The following FAT3 variants were observed in gnomAD, a reference collection of about 807,000 sequenced individuals.
FAT3 encodes the protein protocadherin Fat 3.
Under a neutral mutation model 310.2 loss-of-function variants are expected in FAT3, and 95 were observed. The ratio of observed to expected loss-of-function variants is 0.31; its 90% confidence interval spans 0.26 to 0.36. FAT3 has a LOEUF of 0.36. Among genes scored for constraint, FAT3 ranks in the 10% least tolerant of loss-of-function variants. FAT3 has a pLI of 1.00. For missense variants in FAT3, 5,408 were observed against 5,715.6 expected (o/e 0.95, Z 1.74); for synonymous variants, 2,314 against 2,192.9 (o/e 1.06, Z -1.54).
chr11:92,352,043 C>T (rs551817450), intron 1 of FAT3, 53 bp from the exon 2 acceptor site: 2 of 1,129,286 alleles, frequency 1.8e-6, no homozygotes, highest in Non-Finnish European at 2.3e-6. Context: ...CCACTCTCCC[C>T]CTTCTTCTAG....
At chr11:92,580,679 C>T (rs190458331) in intron 3 of FAT3, among the ~76,000 whole-genome samples, 5 of 152,164 alleles carry the variant, frequency 3.3e-5, no homozygotes, top group Non-Finnish European at 7.4e-5. Context: ...ATTAAGTTGG[C>T]ATCGCCTCCT....
intron 1 of FAT3, among the ~76,000 whole-genome samples, chr11:92,317,343 A>C (rs1232223690): frequency 6.6e-6 from 1 of 152,188 alleles, no homozygotes; most frequent in Non-Finnish European, 1.5e-5. Flanking sequence ...GTGATTGCAG[A>C]TTGCTAATTT....
intron 4 of FAT3, among the ~76,000 whole-genome samples, chr11:92,732,464 T>C (rs901236704): frequency 2.0e-5 from 3 of 152,158 alleles, no homozygotes; most frequent in Non-Finnish European, 4.4e-5. Context: ...GAATAAGATA[T>C]TGCTTATACC....
chr11:92,328,841 AGTG>A (rs1947833040), intron 1 of FAT3, among the ~76,000 whole-genome samples: 1 of 152,114 alleles, frequency 6.6e-6, no homozygotes, highest in South Asian at 2.1e-4. Context: ...GGCATAGAGA[AGTG>A]GGGATATTTT....
chr11:92,539,283 G>C (rs1427959348), intron 3 of FAT3, among the ~76,000 whole-genome samples: 1 of 152,032 alleles, frequency 6.6e-6, no homozygotes, highest in East Asian at 1.9e-4. Flanking sequence ...TATTTTTATT[G>C]CCCAATGAAA....
intron 4 of FAT3, among the ~76,000 whole-genome samples, chr11:92,731,236 C>A (rs543986310): frequency 1.3e-5 from 2 of 152,228 alleles, no homozygotes; most frequent in Admixed American, 6.5e-5. Flanking sequence ...TTGAATAGAT[C>A]ATTTGTTCAT....
In FAT3 at chr11:92,867,126, A is replaced by G. The variant is rs1459582103; in HGVS notation, c.12044A>G (p.Lys4015Arg). ...GAGGTGGTGGGCCTGACGGAGCTGA[A>G]GCTGGGCTGCGTGCTCTATCCCGAC... The part of the protein sequence containing the change: ...FAEVVGLTEL[K>R]LGCVLYPDAC... Residue 4015 changes from lysine (K) to arginine (R), a missense_variant, in exon 22 of 28, where the codon AAG becomes AGG. Physicochemically the swap from Lys to Arg is conservative, Grantham distance 26. This residue lies in a region of FAT3 where 4,588 missense variants were observed against 4,809.8 expected (regional missense o/e 0.95). Transcript: ENST00000525166. The G allele has an allele frequency of 6.2e-7, 1 of 1,602,704 alleles. No homozygotes were observed. The highest frequency in any genetic ancestry group is 1.7e-5 in the Admixed American group (1 of 58,556).
chr11:92,801,064 G>T lies in FAT3; in HGVS notation c.8051G>T (p.Gly2684Val), dbSNP rs1484826159. The T allele has an allele frequency of 6.2e-7, 1 of 1,613,826 alleles. No individual in the cohort carries two copies. The highest frequency in any genetic ancestry group is 8.5e-7 in the Non-Finnish European group (1 of 1,179,836). ...TTCTTTGTCAAAGCAGTAGATGGGG[G>T]CATCCCAGTAAAGCACTCCCTCATT... ...LSFFVKAVDG[G>V]IPVKHSLIPV... Residue 2684 changes from glycine to valine, a missense_variant, in exon 10 of 28, where the codon GGC becomes GTC. Gly to Val is a moderately radical substitution (Grantham distance 109). Around this residue, in one of 5 missense-constraint regions of FAT3, gnomAD observed 4,588 missense variants for 4,809.8 expected, o/e 0.95. Transcript: ENST00000525166.
At chr11:92,360,155 A>C (rs1019637446) in intron 2 of FAT3, among the ~76,000 whole-genome samples, 1 of 152,196 alleles carries the variant, frequency 6.6e-6, no homozygotes, top group African/African-American at 2.4e-5. Flanking sequence ...CAACTTCAGC[A>C]AAGTCTCAGG....
chr11:92,242,021 G>T (rs966852609), intron 1 of FAT3, among the ~76,000 whole-genome samples: 4 of 151,998 alleles, frequency 2.6e-5, no homozygotes, highest in African/African-American at 9.7e-5. Flanking sequence ...ATATAAGAAA[G>T]CTTAGGAACC....
At chr11:92,530,940 G>T (rs1320109629) in intron 3 of FAT3, among the ~76,000 whole-genome samples, 1 of 151,364 alleles carries the variant, frequency 6.6e-6, no homozygotes, top group Non-Finnish European at 1.5e-5. Context: ...CCAAATATTG[G>T]TGCTTGTTTT....
At chr11:92,232,328 G>A (rs1006043063) in intron 1 of FAT3, among the ~76,000 whole-genome samples, 2 of 152,138 alleles carry the variant, frequency 1.3e-5, no homozygotes, top group African/African-American at 4.8e-5. Flanking sequence ...GAAGTGTGTG[G>A]TAATCTCTCT....
intron 1 of FAT3, among the ~76,000 whole-genome samples, chr11:92,252,037 T>C (rs990389479): frequency 6.6e-6 from 1 of 152,052 alleles, no homozygotes; most frequent in Non-Finnish European, 1.5e-5. Context: ...GATGTTTAGG[T>C]TATCTGGGCC....
intron 2 of FAT3, among the ~76,000 whole-genome samples, chr11:92,517,036 C>G (rs894468999): frequency 1.6e-4 from 24 of 152,122 alleles, no homozygotes; most frequent in African/African-American, 5.8e-4. Context: ...GAATAAATAT[C>G]GTGAAAACGG....
chr11:92,266,327 G>A (rs992834047), intron 1 of FAT3, among the ~76,000 whole-genome samples: 4 of 152,078 alleles, frequency 2.6e-5, no homozygotes, highest in Non-Finnish European at 5.9e-5. Flanking sequence ...TTTCTCTTTA[G>A]TATGGGCAGG....
intron 3 of FAT3, among the ~76,000 whole-genome samples, chr11:92,674,901 C>T (rs931334404): frequency 6.6e-6 from 1 of 152,104 alleles, no homozygotes; most frequent in Non-Finnish European, 1.5e-5. Flanking sequence ...GGAAGGAGCA[C>T]GATAAATGAG....
intron 3 of FAT3, among the ~76,000 whole-genome samples, chr11:92,575,056 A>C (rs1938401639): frequency 6.6e-6 from 1 of 152,142 alleles, no homozygotes; most frequent in South Asian, 2.1e-4. Context: ...CTGACTTTTT[A>C]AATATGACTG....
Position 92,867,026 on chromosome 11 carries a change from T to A in FAT3, c.11944T>A (p.Phe3982Ile). The change falls in exon 22 of 28, where the codon TTC becomes ATC. Residue 3982 changes from phenylalanine (F) to isoleucine (I), a missense_variant. Coordinates refer to ENST00000525166, the MANE Select transcript of FAT3 (RefSeq NM_001367949.2). ...GCGGGTCACGCAGGTGCTCAGCGGC[T>A]TCCAGGGCTGCCTGGACTCGGTGAT... is the stretch of plus-strand genomic sequence containing the variant. Reference protein sequence around the residue: ...DTRVTQVLSGFQGCLDSVILN... With the variant: ...DTRVTQVLSGIQGCLDSVILN... 1 of 1,593,300 alleles carries A rather than the reference T, an allele frequency of 6.3e-7. No individual in the cohort carries two copies. The highest frequency in any genetic ancestry group is 8.5e-7 in the Non-Finnish European group (1 of 1,170,020).
intron 3 of FAT3, among the ~76,000 whole-genome samples, chr11:92,528,868 A>C (rs1953968797): frequency 1.3e-5 from 2 of 152,216 alleles, no homozygotes; most frequent in Non-Finnish European, 2.9e-5. Flanking sequence ...AATGTTAACT[A>C]TTACGATCAT....
Sources: gnomAD v4.1 joint callset for allele counts (sites outside exome capture counted in the v4.1 genomes callset) on GRCh38, gnomAD v4.1.1 for gene constraint, gnomAD v4.1.1 regional missense constraint, MANE v1.5 for transcripts, NCBI Gene and HGNC (gene_info 2026-07-23, HGNC 2026-07-21) for gene names.